HAUS3: variants seen among roughly 807,000 people sequenced by gnomAD.
HAUS3 encodes HAUS augmin like complex subunit 3, also known as HAUS augmin-like complex subunit 3.
In HAUS3, 36 loss-of-function variants were observed where a neutral mutation model predicts 55.2. The observed-to-expected ratio is 0.65, with a 90% CI of 0.50 to 0.86. HAUS3 has a LOEUF of 0.86. Ranked by LOEUF, HAUS3 falls within the 40% of genes least tolerant of loss-of-function variation. The pLI is 0.00. For missense variants in HAUS3, 752 were observed against 671.5 expected (o/e 1.12, Z -1.33); for synonymous variants, 234 against 238.6 (o/e 0.98, Z 0.18).
At chr4:2,241,145 TA>T in intron 2 of HAUS3, 52 bp from the exon 3 acceptor site, 2 of 496,508 alleles carry the variant, frequency 4.0e-6, no homozygotes, top group Non-Finnish European at 7.0e-6. Context: ...ACAGTGTTTT[TA>T]AAAAGAAGAC....
chr4:2,235,640 A>G (rs1734733529), intron 5 of HAUS3, among the ~76,000 whole-genome samples: 1 of 152,256 alleles, frequency 6.6e-6, no homozygotes, highest in Admixed American at 6.5e-5. Context: ...CAAGCAAGTC[A>G]TTGAAGGATA....
At position 2,232,105 on chromosome 4, in the gene HAUS3, A is replaced by G; in HGVS notation, c.1634T>C (p.Leu545Pro). 4 of 1,601,708 alleles carry G rather than the reference A, an allele frequency of 2.5e-6. No individual in the cohort carries two copies. Among genetic ancestry groups the G allele is most frequent in the Non-Finnish European group, 3.4e-6 (4 of 1,175,360 alleles). Residue 545 changes from leucine to proline, a missense_variant, in exon 6 of 6, where the codon CTC becomes CCC. Leu to Pro is a moderately conservative substitution (Grantham distance 98). Coordinates refer to ENST00000443786, the MANE Select transcript of HAUS3 (RefSeq NM_001303143.2). ...VESQLNKLNH[L>P]LTDILADVKT... is the part of the protein sequence containing the mutation. The stretch of plus-strand genomic sequence containing the variant: ...CACATCAGCAAGAATATCAGTGAGG[A>G]GATGATTTAGCTTATTCAGTTGAGA...
rs1183131325 is a variant in HAUS3 at position 2,241,502 on chromosome 4, G to C, written c.-148+18C>G. ...AAATAAGCATGGCACATCTTCTGAA[G>C]ATCAACTAAATATTTACCTCAACGT... On this transcript the variant is annotated intron_variant, in intron 2 of 5. Coordinates refer to ENST00000443786, the MANE Select transcript of HAUS3 (RefSeq NM_001303143.2). 1 of 985,670 alleles carries C rather than the reference G, an allele frequency of 1.0e-6. No homozygotes were observed. Among genetic ancestry groups the C allele is most frequent in the Non-Finnish European group, 1.2e-6 (1 of 830,152 alleles). 61.1% of individuals were successfully genotyped at this position (985,670 alleles called of 1,614,324 possible).
In HAUS3 at chr4:2,241,901, G is replaced by A. The variant is rs1392504535; in HGVS notation, c.-418-111C>T. On this transcript the variant is annotated intron_variant, in intron 1 of 5. Transcript: ENST00000443786. ...GCCCCAGCTCCTCGCCCAGCGGACCGGGCCCTGATCCCCGGGCAGCTGCTG... is the reference window on the plus strand; with the variant it reads ...GCCCCAGCTCCTCGCCCAGCGGACCAGGCCCTGATCCCCGGGCAGCTGCTG... The A allele has an allele frequency of 1.9e-5, 19 of 985,502 alleles. 2 individuals carry two copies. The South Asian group carries it at 6.1e-4, about 32-fold the overall frequency. The allele number at this position is 985,502 out of a possible 1,614,324, so 61.0% of individuals were successfully genotyped here.
At position 2,240,661 on chromosome 4, in the gene HAUS3, C is replaced by T; in HGVS notation, c.286G>A (p.Asp96Asn). The T allele has an allele frequency of 1.2e-6, 2 of 1,613,932 alleles. No homozygotes were observed. The highest frequency in any genetic ancestry group is 1.7e-6 in the Non-Finnish European group (2 of 1,179,980). The change falls in exon 3 of 6, where the codon GAT becomes AAT. Residue 96 changes from aspartate to asparagine, a missense_variant. Asp to Asn is a conservative substitution (Grantham distance 23). Transcript: ENST00000443786. ...TSDLKTPRLD[D>N]KELEKLEDEV... The stretch of plus-strand genomic sequence containing the variant: ...TCCTCTAATTTCTCCAGCTCTTTAT[C>T]ATCCAGTCTAGGTGTCTTCAAATCA...
intron 2 of HAUS3, among the ~76,000 whole-genome samples, 160 bp downstream of exon 2, chr4:2,241,360 A>G (rs1413236663): frequency 6.6e-6 from 1 of 152,250 alleles, no homozygotes; most frequent in East Asian, 1.9e-4. Flanking sequence ...TTTAAAATGC[A>G]TTACACTTTA....
At chr4:2,237,904 G>GT (rs1199970846) in intron 4 of HAUS3, among the ~76,000 whole-genome samples, 2 of 152,242 alleles carry the variant, frequency 1.3e-5, no homozygotes, top group Admixed American at 6.5e-5. Flanking sequence ...TCTTATAGAT[G>GT]TAACTACACA....
chr4:2,240,358 G>A lies in HAUS3; in HGVS notation c.589C>T (p.Gln197Ter), dbSNP rs917609124. 1 of 1,602,134 alleles carries A rather than the reference G, an allele frequency of 6.2e-7. No individual in the cohort carries two copies. Among genetic ancestry groups the A allele is most frequent in the Non-Finnish European group, 8.5e-7 (1 of 1,172,744 alleles). Residue 197 changes from glutamine (Q) to a stop codon, truncating the protein, a stop_gained, in exon 3 of 6, where the codon CAA (glutamine) becomes TAA (stop). Coordinates refer to ENST00000443786, the MANE Select transcript of HAUS3 (RefSeq NM_001303143.2). LOFTEE classifies it high-confidence loss of function. ...QGTNPLVFLS[Q>*]FSLEKYLSQE... Reference sequence around the variant, plus strand: ...CTTAGGTATTTTTCCAAGGAAAATTGCGATAAAAATACCAGTGGATTTGTC... The same window carrying A: ...CTTAGGTATTTTTCCAAGGAAAATTACGATAAAAATACCAGTGGATTTGTC...
In HAUS3 at chr4:2,230,898, T is replaced by C. The variant is rs1041949479; in HGVS notation, c.*1029A>G. On this transcript the variant is annotated 3_prime_UTR_variant, in exon 6 of 6. Transcript: ENST00000443786. ...ATATTTTCTGGCTGCCCAAATACCA[T>C]TGTTAAATACAATTAGACATTTTTG... is the stretch of plus-strand genomic sequence containing the variant. 1 of 152,234 alleles carries C rather than the reference T, an allele frequency of 6.6e-6. No homozygotes were observed. Among genetic ancestry groups the C allele is most frequent in the Non-Finnish European group, 1.5e-5 (1 of 68,046 alleles). The allele number at this position is 152,234 out of a possible 1,614,324, so 9.4% of individuals were successfully genotyped here.
rs762844386 is a variant in HAUS3 at position 2,239,061 on chromosome 4, ATTACAT to A, written c.910-24_910-19del. 4.4e-6 allele frequency: 6 copies of A among 1,373,110 alleles called. No individual in the cohort carries two copies. Among genetic ancestry groups the A allele is most frequent in the Middle Eastern group, 3.8e-4 (2 of 5,292 alleles). The allele number at this position is 1,373,110 out of a possible 1,614,324, so 85.1% of individuals were successfully genotyped here. On this transcript the variant is annotated intron_variant, in intron 3 of 5. Coordinates refer to ENST00000443786, the MANE Select transcript of HAUS3 (RefSeq NM_001303143.2). ...TCCACAGCCTATACAAAGAAAAGCA[ATTACAT>A]TTCAAACTGTATGCCTAAATTTGAA...
At chr4:2,236,720 G>A (rs369151506) in intron 4 of HAUS3, among the ~76,000 whole-genome samples, 7 of 151,906 alleles carry the variant, frequency 4.6e-5, no homozygotes, top group African/African-American at 1.2e-4. Flanking sequence ...AAAGTTAGCC[G>A]GGCATGGCGG....
At position 2,241,804 on chromosome 4, in the gene HAUS3, C is replaced by G. The variant is rs1329876764; in HGVS notation, c.-418-14G>C. On this transcript the variant is annotated splice_polypyrimidine_tract_variant and intron_variant, in intron 1 of 5. Transcript: ENST00000443786. ...CACCTAAGCACGCTGACAAAACAAA[C>G]GCACAAGCCCACCGAATCGCCGTCG... 1 of 985,368 alleles carries G rather than the reference C, an allele frequency of 1.0e-6. No homozygotes were observed. Among genetic ancestry groups the G allele is most frequent in the Non-Finnish European group, 1.2e-6 (1 of 829,960 alleles). The allele number at this position is 985,368 out of a possible 1,614,324, so 61.0% of individuals were successfully genotyped here.
At chr4:2,234,888 A>T (rs936348707) in intron 5 of HAUS3, among the ~76,000 whole-genome samples, 2 of 152,066 alleles carry the variant, frequency 1.3e-5, no homozygotes, top group African/African-American at 4.8e-5. Context: ...TACATGGAGA[A>T]ATTTTCTTCT....
In HAUS3 at chr4:2,240,096, G is replaced by A. The variant is rs756388678; in HGVS notation, c.851C>T (p.Ser284Leu). ...HQLIHLKASN[S>L]SMKSSIKWAE... ...CCATTTTATACTTGACTTCATGCTC[G>A]AATTACTTGCTTTTAAGTGAATTAA... The change falls in exon 3 of 6, where the codon TCG (serine) becomes TTG (leucine). Residue 284 changes from serine (S) to leucine (L), a missense_variant. Coordinates refer to ENST00000443786, the MANE Select transcript of HAUS3 (RefSeq NM_001303143.2). 32 of 1,613,824 alleles carry A rather than the reference G, an allele frequency of 2.0e-5. No individual in the cohort carries two copies. The highest frequency in any genetic ancestry group is 2.5e-5 in the Non-Finnish European group (30 of 1,179,946).
chr4:2,231,853 A>T lies in HAUS3; in HGVS notation c.*74T>A. 1 of 670,950 alleles carries T rather than the reference A, an allele frequency of 1.5e-6. No individual in the cohort carries two copies. Among genetic ancestry groups the T allele is most frequent in the Non-Finnish European group, 2.6e-6 (1 of 389,152 alleles). The allele number at this position is 670,950 out of a possible 1,614,324, so 41.6% of individuals were successfully genotyped here. A position where few individuals can be genotyped will look rare whatever the true frequency, so the allele number is the denominator to read the frequency against. On this transcript the variant is annotated 3_prime_UTR_variant, in exon 6 of 6. Coordinates refer to ENST00000443786, the MANE Select transcript of HAUS3 (RefSeq NM_001303143.2). Reference sequence around the variant, plus strand: ...CATTGACCTCAAATTTTAAAAATTTAGTAGTGTTTATTATACACAGTCTTC... The same window carrying T: ...CATTGACCTCAAATTTTAAAAATTTTGTAGTGTTTATTATACACAGTCTTC...
chr4:2,241,528 C>A lies in HAUS3; in HGVS notation c.-156G>T. ...ATCAACTAAATATTTACCTCAACGT[C>A]TCGCCGGGCAAGGCTCCACCTCCAG... On this transcript the variant is annotated 5_prime_UTR_variant, in exon 2 of 6. Transcript: ENST00000443786. The A allele has an allele frequency of 1.0e-6, 1 of 985,920 alleles. No homozygotes were observed. Among genetic ancestry groups the A allele is most frequent in the Non-Finnish European group, 1.2e-6 (1 of 830,272 alleles). 61.1% of individuals were successfully genotyped at this position (985,920 alleles called of 1,614,324 possible).
At chr4:2,237,613 A>C (rs1734812665) in intron 4 of HAUS3, among the ~76,000 whole-genome samples, 1 of 152,168 alleles carries the variant, frequency 6.6e-6, no homozygotes, top group Non-Finnish European at 1.5e-5. Context: ...TGTTATGTGA[A>C]AGCTAGGGCA....
chr4:2,233,749 A>G (rs1300742944), intron 5 of HAUS3, among the ~76,000 whole-genome samples: 5 of 152,250 alleles, frequency 3.3e-5, no homozygotes, highest in Non-Finnish European at 7.3e-5. Flanking sequence ...AGTATGAAAA[A>G]CAAAAATTCT....
At chr4:2,233,918 CA>C (rs35857796) in intron 5 of HAUS3, among the ~76,000 whole-genome samples, 25,241 of 150,918 alleles carry the variant, frequency 0.17, 3,593 homozygotes, top group African/African-American at 0.37. Flanking sequence ...ATATCAAAGG[CA>C]AAAAAAAGTG....
Sources: gnomAD v4.1 joint callset for allele counts (sites outside exome capture counted in the v4.1 genomes callset) on GRCh38, gnomAD v4.1.1 for gene constraint, MANE v1.5 for transcripts, NCBI Gene and HGNC (gene_info 2026-07-23, HGNC 2026-07-21) for gene names.